EMSY: variants seen among roughly 807,000 people sequenced by gnomAD.
EMSY encodes EMSY transcriptional repressor, BRCA2 interacting.
In EMSY, 26 loss-of-function variants were observed where a neutral mutation model predicts 134.6. The observed-to-expected ratio is 0.19, with a 90% CI of 0.14 to 0.27. The LOEUF is 0.27. EMSY is among the 10% of genes least tolerant of loss of function. The pLI, the probability that EMSY is intolerant of heterozygous loss-of-function variation, is 1.00. For missense variants in EMSY, 1,305 were observed against 1,611.4 expected (o/e 0.81, Z 3.26); for synonymous variants, 579 against 577.8 (o/e 1.00, Z -0.03).
At chr11:76,479,728 C>G (rs182091481) in intron 8 of EMSY, among the ~76,000 whole-genome samples, 9 of 152,122 alleles carry the variant, frequency 5.9e-5, no homozygotes, top group Non-Finnish European at 1.3e-4. Context: ...GAATGACTAC[C>G]GTATATGACC....
chr11:76,478,696 A>C (rs923859557), intron 8 of EMSY, among the ~76,000 whole-genome samples: 4 of 151,922 alleles, frequency 2.6e-5, no homozygotes, highest in Non-Finnish European at 5.9e-5. Flanking sequence ...ATTTGGTAGC[A>C]TGCTTTCTTC....
chr11:76,473,307 C>CT (rs1047731490), intron 8 of EMSY, among the ~76,000 whole-genome samples: 31 of 146,812 alleles, frequency 2.1e-4, no homozygotes, highest in Middle Eastern at 3.6e-3. Context: ...TTTTTCTTTT[C>CT]TTTTTTTTTT....
chr11:76,492,440 T>C (rs906809781), intron 8 of EMSY, among the ~76,000 whole-genome samples: 1 of 152,180 alleles, frequency 6.6e-6, no homozygotes, highest in Non-Finnish European at 1.5e-5. Flanking sequence ...GCCACTGCAC[T>C]CCAGCCTGGG....
chr11:76,491,560 G>T lies in EMSY; in HGVS notation c.1109-4655G>T, dbSNP rs187599067. On this transcript the variant is annotated intron_variant, in intron 8 of 20. Coordinates refer to ENST00000334736, the Ensembl canonical transcript of EMSY. ...CAACCTGGTCAGCTCTGACAGCCAT[G>T]CCAGGGCCAGGTGGCCCTCCTAGGC... Among the ~76,000 whole-genome samples, 10 of 152,332 alleles carry T rather than the reference G, an allele frequency of 6.6e-5. No individual in the cohort carries two copies. The East Asian group carries it at 1.9e-3, about 29-fold the overall frequency.
At chr11:76,499,026 A>G (rs1949753858) in intron 9 of EMSY, among the ~76,000 whole-genome samples, 1 of 152,306 alleles carries the variant, frequency 6.6e-6, no homozygotes, top group Admixed American at 6.5e-5. Context: ...CAGTGGCACA[A>G]TCTCAGCTCA....
At chr11:76,496,836 A>G (rs1047603543) in intron 9 of EMSY, 2 of 317,350 alleles carry the variant, frequency 6.3e-6, no homozygotes, top group Non-Finnish European at 6.0e-6. Flanking sequence ...ATCTATAAAT[A>G]GGGACAGTTT....
At chr11:76,461,996 G>A (rs537000815) in intron 6 of EMSY, among the ~76,000 whole-genome samples, 302 of 151,914 alleles carry the variant, frequency 2.0e-3, no homozygotes, top group African/African-American at 7.1e-3. Context: ...CAGCACTTTG[G>A]GAGGCCGAGG....
At chr11:76,497,345 G>A (rs7928101) in intron 9 of EMSY, 19,550 of 152,162 alleles carry the variant, frequency 0.13, 1,929 homozygotes, top group East Asian at 0.37. Context: ...TCCAATTTTG[G>A]TCAGGATAAT....
chr11:76,519,906 T>A (rs1223414307), intron 11 of EMSY, among the ~76,000 whole-genome samples: 2 of 152,176 alleles, frequency 1.3e-5, no homozygotes, highest in Admixed American at 6.5e-5. Flanking sequence ...TCTGATATGC[T>A]ACGAGCCAGA....
chr11:76,542,490 C>G, intron 18 of EMSY, 123 bp downstream of exon 19: 6 of 1,252,874 alleles, frequency 4.8e-6, no homozygotes, highest in Non-Finnish European at 6.8e-6. Context: ...TAATTCTTTT[C>G]TAAGAAATGA....
At chr11:76,477,179 T>C (rs796453848) in intron 8 of EMSY, among the ~76,000 whole-genome samples, 25 of 151,944 alleles carry the variant, frequency 1.6e-4, no homozygotes, top group African/African-American at 5.5e-4. Context: ...TTTTTAAGGG[T>C]ATTCTAAGGA....
intron 9 of EMSY, among the ~76,000 whole-genome samples, chr11:76,502,806 A>C (rs1188759093): frequency 6.6e-6 from 1 of 152,236 alleles, no homozygotes; most frequent in Non-Finnish European, 1.5e-5. Context: ...TAAATAGGAA[A>C]GCATACCATG....
intron 9 of EMSY, among the ~76,000 whole-genome samples, chr11:76,510,992 G>T (rs1054563638): frequency 6.6e-6 from 1 of 152,128 alleles, no homozygotes; most frequent in African/African-American, 2.4e-5. Context: ...CCCTTGGCAC[G>T]ATTTCTGGAC....
At chr11:76,503,945 C>G (rs913195516) in intron 9 of EMSY, among the ~76,000 whole-genome samples, 1 of 151,528 alleles carries the variant, frequency 6.6e-6, no homozygotes, top group African/African-American at 2.4e-5. Context: ...CCATCACGCC[C>G]GGCTAATTTT....
chr11:76,502,137 A>ATT (rs1375724485), intron 9 of EMSY, among the ~76,000 whole-genome samples: 1 of 151,266 alleles, frequency 6.6e-6, no homozygotes, highest in Non-Finnish European at 1.5e-5. Flanking sequence ...AATAAACAAA[A>ATT]TCTGCAAGAG....
At chr11:76,465,460 G>A (rs538141824) in intron 7 of EMSY, among the ~76,000 whole-genome samples, 1 of 151,962 alleles carries the variant, frequency 6.6e-6, no homozygotes, top group African/African-American at 2.4e-5. Flanking sequence ...ATGAAAAATT[G>A]TTACAGCCTT....
chr11:76,449,837 G>A (rs928652677), intron 2 of EMSY, among the ~76,000 whole-genome samples: 7 of 152,266 alleles, frequency 4.6e-5, no homozygotes, highest in African/African-American at 1.4e-4. Flanking sequence ...ATCACCTTGA[G>A]GATAGGGATT....
At chr11:76,530,032 A>G (rs1161439760) in intron 14 of EMSY, among the ~76,000 whole-genome samples, 3 of 152,188 alleles carry the variant, frequency 2.0e-5, no homozygotes, top group Non-Finnish European at 4.4e-5. Context: ...GGGGACATGA[A>G]CAGTAGAAGT....
chr11:76,542,274 T>C (rs374483022), exon 18 of EMSY: 339 of 1,614,196 alleles, frequency 2.1e-4, no homozygotes, highest in Non-Finnish European at 2.7e-4. Flanking sequence ...TGCTCCAGCA[T>C]GTGGCTCAGT....
Sources: gnomAD v4.1 joint callset for allele counts (sites outside exome capture counted in the v4.1 genomes callset) on GRCh38, gnomAD v4.1.1 for gene constraint, MANE v1.5 for transcripts, NCBI Gene and HGNC (gene_info 2026-07-23, HGNC 2026-07-21) for gene names.